ZNF519: variants seen among roughly 807,000 people sequenced by gnomAD.
ZNF519 encodes the protein zinc finger protein 519.
A neutral mutation model predicts 7.4 loss-of-function variants in ZNF519; 7 were observed. The ratio of observed to expected loss-of-function variants is 0.94; its 90% CI spans 0.54 to 1.77. The LOEUF is 1.77. Among genes scored for constraint, ZNF519 ranks in the 40% most tolerant of loss-of-function variants. ZNF519 has a pLI of 0.00. For missense variants in ZNF519, 586 were observed against 623.1 expected (o/e 0.94, Z 0.63); for synonymous variants, 179 against 203.3 (o/e 0.88, Z 1.02).
chr18:14,109,463 G>C (rs1439551630), intron 2 of ZNF519, among the ~76,000 whole-genome samples: 1 of 151,972 alleles, frequency 6.6e-6, no homozygotes, highest in African/African-American at 2.4e-5. Flanking sequence ...CATATGTTAG[G>C]TCACAAAACA....
chr18:14,094,696 T>C (rs1326751018), intron 2 of ZNF519, among the ~76,000 whole-genome samples: 1 of 152,134 alleles, frequency 6.6e-6, no homozygotes, highest in African/African-American at 2.4e-5. Context: ...TTGTGAGAAT[T>C]TTTTAAAATT....
At position 14,104,949 on chromosome 18, in the gene ZNF519, G is replaced by A; in HGVS notation, c.1591C>T (p.Leu531Phe). Residue 531 changes from leucine to phenylalanine, a missense_variant, in exon 3 of 3, where the codon CTT becomes TTT. Leu to Phe is a conservative substitution (Grantham distance 22, BLOSUM62 0). Coordinates refer to ENST00000590202, the MANE Select transcript of ZNF519 (RefSeq NM_145287.4). ...GTATGAATTATTTGATGTTGAGTAAGGGTTGAGCGTCTGTTAAAAGCTTTG... is the reference window on the plus strand; with the variant it reads ...GTATGAATTATTTGATGTTGAGTAAAGGTTGAGCGTCTGTTAAAAGCTTTG... ...CGKAFNRRSTLTQHQIIHTR is the reference protein window; with the variant it reads ...CGKAFNRRSTFTQHQIIHTR The A allele has an allele frequency of 6.4e-7, 1 of 1,574,402 alleles. No individual in the cohort carries two copies. Among genetic ancestry groups the A allele is most frequent in the Non-Finnish European group, 8.6e-7 (1 of 1,163,696 alleles).
rs1351501152 is a variant in ZNF519, at chr18:14,103,350, T to C, written c.*1567A>G. The C allele has an allele frequency of 6.6e-6, 1 of 152,052 alleles. No individual in the cohort carries two copies. The highest frequency in any genetic ancestry group is 1.5e-5 in the Non-Finnish European group (1 of 67,974). 9.4% of individuals were successfully genotyped at this position (152,052 alleles called of 1,614,324 possible). On this transcript the variant is annotated 3_prime_UTR_variant, in exon 3 of 3. Coordinates refer to ENST00000590202, the MANE Select transcript of ZNF519 (RefSeq NM_145287.4). ...ACAGGATCAAAATAATCCAAAGTAT[T>C]TTCCCTGACTTTAGTAAAAGGAAAT... is the stretch of plus-strand genomic sequence containing the variant.
intron 2 of ZNF519, among the ~76,000 whole-genome samples, chr18:14,109,430 A>C (rs1424950538): frequency 6.6e-6 from 1 of 152,210 alleles, no homozygotes; most frequent in Non-Finnish European, 1.5e-5. Context: ...TCTGCAGTGC[A>C]TGAATCATTC....
chr18:14,101,314 T>G lies in ZNF519; in HGVS notation c.*3603A>C. 1 of 164,658 alleles carries G rather than the reference T, an allele frequency of 6.1e-6. No homozygotes were observed. The allele number at this position is 164,658 out of a possible 1,614,324, so 10.2% of individuals were successfully genotyped here. On this transcript the variant is annotated 3_prime_UTR_variant, in exon 3 of 3. Coordinates refer to ENST00000590202, the MANE Select transcript of ZNF519 (RefSeq NM_145287.4). ...AGTCCACCTGCAGGTCTCATCCAGA[T>G]TTAGGGCTGATTTATTTCCGCACTC...
intron 1 of ZNF519, among the ~76,000 whole-genome samples, chr18:14,131,222 G>C (rs1419933750): frequency 6.6e-6 from 1 of 152,186 alleles, no homozygotes; most frequent in East Asian, 1.9e-4. Flanking sequence ...TTTTACAGTT[G>C]AGTGCCAGGG....
chr18:14,092,420 A>C (rs914308451), intron 2 of ZNF519, among the ~76,000 whole-genome samples: 16 of 152,258 alleles, frequency 1.1e-4, no homozygotes, highest in African/African-American at 3.6e-4. Context: ...GGGGGATATA[A>C]GTGTAGGACT....
intron 2 of ZNF519, among the ~76,000 whole-genome samples, chr18:14,107,673 T>C (rs1255431044): frequency 1.3e-5 from 2 of 152,036 alleles, no homozygotes; most frequent in Admixed American, 6.6e-5. Context: ...CTTCTGGACC[T>C]GCGCTGAGAC....
intron 2 of ZNF519, among the ~76,000 whole-genome samples, chr18:14,118,105 C>G (rs2046254106): frequency 6.6e-6 from 1 of 152,166 alleles, no homozygotes; most frequent in Non-Finnish European, 1.5e-5. Flanking sequence ...GTCGTCCAGG[C>G]TGGAGTGCAG....
At chr18:14,096,989 C>CT (rs1228113175), downstream of ZNF519, among the ~76,000 whole-genome samples, 2 of 152,160 alleles carry the variant, frequency 1.3e-5, no homozygotes, top group African/African-American at 4.8e-5. Flanking sequence ...TTCTCCAACT[C>CT]TTTCTCTGCT....
chr18:14,095,111 C>T (rs534240662), downstream of ZNF519, among the ~76,000 whole-genome samples: 2 of 152,174 alleles, frequency 1.3e-5, no homozygotes, highest in Admixed American at 6.5e-5. Flanking sequence ...GTGACAATCT[C>T]GTGTATTGGA....
At position 14,104,139 on chromosome 18, in the gene ZNF519, G is replaced by A. The variant is rs2046175701; in HGVS notation, c.*778C>T. ...CTCTGATATTTGTGATTTCTTTATT[G>A]TTATCACAGTAACATTCAGGACTTC... is the stretch of plus-strand genomic sequence containing the variant. On this transcript the variant is annotated 3_prime_UTR_variant, in exon 3 of 3. Coordinates refer to ENST00000590202, the MANE Select transcript of ZNF519 (RefSeq NM_145287.4). 2 of 152,082 alleles carry A rather than the reference G, an allele frequency of 1.3e-5. No homozygotes were observed. The highest frequency in any genetic ancestry group is 1.3e-4 in the Admixed American group (2 of 15,260). The allele number at this position is 152,082 out of a possible 1,614,324, so 9.4% of individuals were successfully genotyped here.
At position 14,104,619 on chromosome 18, in the gene ZNF519, T is replaced by C. The variant is rs746998725; in HGVS notation, c.*298A>G. On this transcript the variant is annotated 3_prime_UTR_variant, in exon 3 of 3. Coordinates refer to ENST00000590202, the MANE Select transcript of ZNF519 (RefSeq NM_145287.4). ...CTGTGATTACAAAAATAAGTGAACA[T>C]TGAATATAATTATGCCTCTCCATCA... 3.8e-5 allele frequency: 10 copies of C among 261,832 alleles called. No homozygotes were observed. The highest frequency in any genetic ancestry group is 6.4e-5 in the Non-Finnish European group (9 of 140,256). The allele number at this position is 261,832 out of a possible 1,614,324, so 16.2% of individuals were successfully genotyped here.
intron 1 of ZNF519, among the ~76,000 whole-genome samples, chr18:14,130,714 C>G (rs1483647488): frequency 6.6e-6 from 1 of 151,964 alleles, no homozygotes; most frequent in African/African-American, 2.4e-5. Context: ...TCTTGTCCTT[C>G]AGGTTAGTTT....
chr18:14,088,052 A>C (rs567015156), intron 2 of ZNF519, among the ~76,000 whole-genome samples: 1 of 152,288 alleles, frequency 6.6e-6, no homozygotes, highest in African/African-American at 2.4e-5. Flanking sequence ...ATTTACAGAG[A>C]TATTGAAACC....
intron 1 of ZNF519, among the ~76,000 whole-genome samples, chr18:14,131,825 C>T (rs536981402): frequency 3.9e-5 from 6 of 152,158 alleles, no homozygotes; most frequent in Admixed American, 1.3e-4. Context: ...CTTTCAAGAC[C>T]TTCTAGTAGC....
At chr18:14,106,443 T>C (rs778927512) in intron 2 of ZNF519, 34 bp from the exon 3 acceptor site, 10 of 1,513,880 alleles carry the variant, frequency 6.6e-6, no homozygotes, top group South Asian at 5.4e-5. Context: ...TTATTCTACA[T>C]ACTGATTTCA....
At chr18:14,080,693 GA>G (rs1274346219) in intron 3 of ZNF519, among the ~76,000 whole-genome samples, 2 of 152,114 alleles carry the variant, frequency 1.3e-5, no homozygotes, top group Non-Finnish European at 2.9e-5. Context: ...TTTACCCAAA[GA>G]TGCTGAAAAC....
rs1466455897 is a variant in ZNF519 at position 14,127,601 on chromosome 18, A to T, written c.4-3125T>A. On this transcript the variant is annotated intron_variant, in intron 1 of 2. Transcript: ENST00000590202. Reference sequence around the variant, plus strand: ...GTGGCCCATGTGTGGGCATTTGGGCAAGGGGAGGTGGGAGGGAGTTGAAGT... The same window carrying T: ...GTGGCCCATGTGTGGGCATTTGGGCTAGGGGAGGTGGGAGGGAGTTGAAGT... 2.6e-5 allele frequency among the ~76,000 whole-genome samples: 4 copies of T among 152,194 alleles called. No homozygotes were observed. In the East Asian group the frequency reaches 7.7e-4, roughly 29 times the overall value.
Sources: gnomAD v4.1 joint callset for allele counts (sites outside exome capture counted in the v4.1 genomes callset) on GRCh38, gnomAD v4.1.1 for gene constraint, MANE v1.5 for transcripts, NCBI Gene and HGNC (gene_info 2026-07-23, HGNC 2026-07-21) for gene names.